Variants in ANKRD13C observed in about 807,000 individuals in gnomAD.
ANKRD13C encodes ankyrin repeat domain 13C.
In ANKRD13C, 16 loss-of-function variants were observed where a neutral mutation model predicts 65.5. The observed-to-expected ratio is 0.24, with a 90% CI of 0.17 to 0.37. The LOEUF (loss-of-function observed/expected upper bound fraction) is 0.37. Among genes scored for constraint, ANKRD13C ranks in the 10% least tolerant of loss-of-function variants. The probability of loss-of-function intolerance (pLI) is 1.00; values close to 1 mark genes in which losing one functional copy is unlikely to be tolerated. For synonymous variants in ANKRD13C, 235 were observed against 238.7 expected, an observed-to-expected ratio of 0.98 and a Z score of 0.14; for missense variants, 503 against 655.9, an observed-to-expected ratio of 0.77 and a Z score of 2.55.
chr1:70,293,596 T>C, intron 8 of ANKRD13C: 1 of 983,344 alleles, frequency 1.0e-6, no homozygotes, highest in Non-Finnish European at 1.2e-6. Context: ...AATTTTTATC[T>C]TCTCTTGAAG....
intron 1 of ANKRD13C, among the ~76,000 whole-genome samples, chr1:70,344,379 T>C (rs1350577075): frequency 1.3e-5 from 2 of 151,550 alleles, no homozygotes; most frequent in East Asian, 3.9e-4. Flanking sequence ...GGTGGGAGGA[T>C]TGCCTGAGTG....
At chr1:70,265,552 T>C (rs1678579268) in intron 12 of ANKRD13C, among the ~76,000 whole-genome samples, 1 of 151,956 alleles carries the variant, frequency 6.6e-6, no homozygotes, top group Non-Finnish European at 1.5e-5. Context: ...CCAGGCACAG[T>C]GGCTGACACC....
At chr1:70,339,813 T>TG (rs1682224149) in intron 1 of ANKRD13C, among the ~76,000 whole-genome samples, 1 of 1,304 alleles carries the variant, frequency 7.7e-4, no homozygotes, top group Non-Finnish European at 1.5e-3. Context: ...ATCAGTACGT[T>TG]TATTATTATT....
chr1:70,271,351 T>G (rs1424552884), intron 11 of ANKRD13C, among the ~76,000 whole-genome samples: 1 of 152,228 alleles, frequency 6.6e-6, no homozygotes, highest in African/African-American at 2.4e-5. Flanking sequence ...ACATAAAATT[T>G]CAGGTTATAC....
chr1:70,287,327 T>C (rs962922645), intron 9 of ANKRD13C, among the ~76,000 whole-genome samples: 1 of 151,612 alleles, frequency 6.6e-6, no homozygotes, highest in African/African-American at 2.4e-5. Flanking sequence ...CAGCAGGCAA[T>C]ACAATGGAGG....
At chr1:70,347,091 CAAAAAAAAAA>C (rs35972712) in intron 1 of ANKRD13C, among the ~76,000 whole-genome samples, 3 of 36,342 alleles carry the variant, frequency 8.3e-5, no homozygotes, top group African/African-American at 1.3e-4. Context: ...GGCTCCGTCT[CAAAAAAAAAA>C]AAAAAAAAAA....
Position 70,354,192 on chromosome 1 carries a change from G to T in ANKRD13C, c.217C>A (p.Pro73Thr), listed in dbSNP as rs777891195. 8 of 1,613,920 alleles carry T rather than the reference G, an allele frequency of 5.0e-6. No homozygotes were observed. The highest frequency in any genetic ancestry group is 6.8e-6 in the Non-Finnish European group (8 of 1,180,038). The change falls in exon 1 of 13, where the codon CCC becomes ACC. Residue 73 changes from proline (P) to threonine (T), a missense_variant. By Grantham distance (38) the Pro-to-Thr change is conservative. Transcript: ENST00000370944. ...LKAAPASSNP[P>T]GAPALPLHNS... ...TGCAGCGGCAGAGCCGGGGCGCCGG[G>T]GGGATTGGAGGAGGCCGGAGCTGCC... is the stretch of plus-strand genomic sequence containing the variant.
chr1:70,354,078 G>T lies in ANKRD13C; in HGVS notation c.331C>A (p.Pro111Thr). Reference protein sequence around the residue: ...VAVVADGGSCPAHYPVHECVF... With the variant: ...VAVVADGGSCTAHYPVHECVF... ...CACTCGTGCACCGGGTAGTGTGCGGGGCAACTGCCTCCATCCGCGACGACA... is the reference window on the plus strand; with the variant it reads ...CACTCGTGCACCGGGTAGTGTGCGGTGCAACTGCCTCCATCCGCGACGACA... Residue 111 changes from proline (P) to threonine (T), a missense_variant, in exon 1 of 13, where the codon CCC becomes ACC. Around this residue, in one of 2 missense-constraint regions of ANKRD13C, gnomAD observed 203 missense variants for 177.6 expected, o/e 1.14. Coordinates refer to ENST00000370944, the MANE Select transcript of ANKRD13C (RefSeq NM_030816.5). The T allele has an allele frequency of 6.2e-7, 1 of 1,611,038 alleles. No individual in the cohort carries two copies. The highest frequency in any genetic ancestry group is 8.5e-7 in the Non-Finnish European group (1 of 1,178,134).
chr1:70,270,448 GCCC>G (rs1678827812), intron 12 of ANKRD13C, among the ~76,000 whole-genome samples: 1 of 152,116 alleles, frequency 6.6e-6, no homozygotes, highest in African/African-American at 2.4e-5. Context: ...TAAAACAGCA[GCCC>G]CCAACCTTTT....
At chr1:70,318,469 C>T (rs536863490) in intron 3 of ANKRD13C, among the ~76,000 whole-genome samples, 1 of 152,236 alleles carries the variant, frequency 6.6e-6, no homozygotes, top group African/African-American at 2.4e-5. Context: ...CTGCTTCCCA[C>T]CTGGACAATT....
intron 11 of ANKRD13C, among the ~76,000 whole-genome samples, chr1:70,273,589 T>C (rs1369704101): frequency 6.6e-6 from 1 of 152,032 alleles, no homozygotes; most frequent in Non-Finnish European, 1.5e-5. Flanking sequence ...CAACAGTATA[T>C]CAACACTACA....
intron 2 of ANKRD13C, among the ~76,000 whole-genome samples, chr1:70,333,899 A>C (rs1334014882): frequency 6.6e-6 from 1 of 152,202 alleles, no homozygotes; most frequent in Non-Finnish European, 1.5e-5. Flanking sequence ...AGTTTCTCTA[A>C]CATGTAGCCT....
chr1:70,272,812 A>AC (rs1282953449), intron 11 of ANKRD13C, among the ~76,000 whole-genome samples: 1 of 150,056 alleles, frequency 6.7e-6, no homozygotes, highest in African/African-American at 2.5e-5. Flanking sequence ...AACATGGTGA[A>AC]CCCCATCTCT....
At chr1:70,280,765 A>G (rs1302297868) in intron 9 of ANKRD13C, among the ~76,000 whole-genome samples, 4 of 152,194 alleles carry the variant, frequency 2.6e-5, no homozygotes, top group African/African-American at 9.6e-5. Context: ...CATAGCAAGT[A>G]CTGTATACAT....
intron 1 of ANKRD13C, among the ~76,000 whole-genome samples, chr1:70,340,684 C>G (rs572002091): frequency 6.6e-6 from 1 of 152,278 alleles, no homozygotes; most frequent in Non-Finnish European, 1.5e-5. Flanking sequence ...GTAATTCTAG[C>G]AAGTTTTGCT....
chr1:70,322,080 C>T (rs1272232063), intron 3 of ANKRD13C, among the ~76,000 whole-genome samples: 1 of 151,858 alleles, frequency 6.6e-6, no homozygotes, highest in African/African-American at 2.4e-5. Flanking sequence ...TTTGGGAGGC[C>T]GAGGCAAGTA....
At chr1:70,330,593 AAAG>A (rs1233891296) in intron 2 of ANKRD13C, among the ~76,000 whole-genome samples, 2 of 150,900 alleles carry the variant, frequency 1.3e-5, no homozygotes, top group East Asian at 3.9e-4. Context: ...AAAAAAAAAA[AAAG>A]AAATCACACA....
At position 70,262,623 on chromosome 1, in the gene ANKRD13C, C is replaced by A; in HGVS notation, c.*94G>T. ...TCGATTCAATGTGTAATTCCCTTTT[C>A]TTCACTGAAAGCATTTGTCCCTTCT... On this transcript the variant is annotated 3_prime_UTR_variant, in exon 13 of 13. Transcript: ENST00000370944. 2 of 1,335,220 alleles carry A rather than the reference C, an allele frequency of 1.5e-6. No homozygotes were observed. The highest frequency in any genetic ancestry group is 2.0e-6 in the Non-Finnish European group (2 of 995,716). 82.7% of individuals were successfully genotyped at this position (1,335,220 alleles called of 1,614,324 possible).
At chr1:70,266,341 G>A (rs1678629262) in intron 12 of ANKRD13C, among the ~76,000 whole-genome samples, 1 of 152,168 alleles carries the variant, frequency 6.6e-6, no homozygotes, top group Non-Finnish European at 1.5e-5. Flanking sequence ...TTGGTGAATA[G>A]TATATCCCAC....
Sources: gnomAD v4.1 joint callset for allele counts (sites outside exome capture counted in the v4.1 genomes callset) on GRCh38, gnomAD v4.1.1 for gene constraint, gnomAD v4.1.1 regional missense constraint, MANE v1.5 for transcripts, NCBI Gene and HGNC (gene_info 2026-07-23, HGNC 2026-07-21) for gene names.